The following PTGIS variants were observed in gnomAD, a reference collection of about 807,000 sequenced individuals.
PTGIS encodes the protein prostacyclin synthase.
In PTGIS, 45 loss-of-function variants were observed where a neutral mutation model predicts 50.3. The ratio of observed to expected loss-of-function variants is 0.90; its 90% CI spans 0.70 to 1.15. The LOEUF is 1.15. PTGIS is among the 50% of genes most tolerant of loss of function. The pLI, the probability that PTGIS is intolerant of heterozygous loss-of-function variation, is 0.00. For missense variants in PTGIS, 668 were observed against 661.3 expected, an observed-to-expected ratio of 1.01 and a Z score of -0.11; for synonymous variants, 260 against 267.7, an observed-to-expected ratio of 0.97 and a Z score of 0.28.
At position 49,540,662 on chromosome 20, in the gene PTGIS, TACGCAC is replaced by T. The variant is rs200759726; in HGVS notation, c.522-947_522-942del. On this transcript the variant is annotated intron_variant, in intron 4 of 9. Transcript: ENST00000244043. The surrounding 1 kb of genome is among the most constrained non-coding windows in gnomAD (Gnocchi z 4.8). ...TCATGTGCTCTCACTGAGGCACACT[TACGCAC>T]ACGCACACGCACACACACAGGACCA... is the stretch of plus-strand genomic sequence containing the variant. 8.9e-4 allele frequency among the ~76,000 whole-genome samples: 136 copies of T among 152,082 alleles called. No individual in the cohort carries two copies. The highest frequency in any genetic ancestry group is 2.8e-3 in the African/African-American group (116 of 41,510).
intron 2 of PTGIS, 116 bp downstream of exon 2, chr20:49,549,950 T>C (rs1299064530): frequency 1.3e-6 from 2 of 1,544,276 alleles, no homozygotes; most frequent in East Asian, 4.5e-5. Flanking sequence ...CAGATGGATG[T>C]TGGATGGTGG....
chr20:49,508,208 C>T (rs569961785), intron 9 of PTGIS, 144 bp from the exon 10 acceptor site: 33 of 1,014,462 alleles, frequency 3.3e-5, no homozygotes, highest in Admixed American at 2.4e-4. Context: ...GTAGAAGAAA[C>T]GCATTTGCTG....
At position 49,539,738 on chromosome 20, in the gene PTGIS, G is replaced by A. The variant is rs1982177864; in HGVS notation, c.522-17C>T. 1 of 1,606,432 alleles carries A rather than the reference G, an allele frequency of 6.2e-7. No individual in the cohort carries two copies. The highest frequency in any genetic ancestry group is 1.3e-5 in the African/African-American group (1 of 74,908). ...TAGCCGGCTCTGGGGGCGGCAGACA[G>A]AGGGTCAGGGGTCCTCCTGGGACAC... On this transcript the variant is annotated splice_polypyrimidine_tract_variant and intron_variant, in intron 4 of 9. Transcript: ENST00000244043.
chr20:49,526,341 C>T (rs1303772669), intron 5 of PTGIS, among the ~76,000 whole-genome samples: 2 of 152,200 alleles, frequency 1.3e-5, no homozygotes, highest in Non-Finnish European at 2.9e-5. Context: ...AACTGGCATT[C>T]TTTGAAGTCT....
chr20:49,528,615 C>A (rs1045653456), intron 5 of PTGIS, among the ~76,000 whole-genome samples: 1 of 152,070 alleles, frequency 6.6e-6, no homozygotes, highest in Non-Finnish European at 1.5e-5. Context: ...GCAAGCAAGA[C>A]TCTGTCTCAA....
intron 7 of PTGIS, among the ~76,000 whole-genome samples, chr20:49,513,794 T>G (rs1216889717): frequency 2.0e-5 from 3 of 152,034 alleles, no homozygotes; most frequent in Non-Finnish European, 4.4e-5. Flanking sequence ...GGGAACACTG[T>G]AAGAGATTCA....
chr20:49,558,342 C>T (rs891063385), intron 1 of PTGIS, among the ~76,000 whole-genome samples: 1 of 152,158 alleles, frequency 6.6e-6, no homozygotes, highest in African/African-American at 2.4e-5. Context: ...TGAGCTGTGA[C>T]TGTGCCACTG....
chr20:49,556,781 A>G lies in PTGIS; in HGVS notation c.75-6592T>C, dbSNP rs538746. 1.6e-3 allele frequency among the ~76,000 whole-genome samples: 247 copies of G among 152,150 alleles called. 2 individuals are homozygous for G. The highest frequency in any genetic ancestry group is 5.9e-3 in the African/African-American group (243 of 41,526). ...GTCTAGACTTGTCTAATGTTTTTCC[A>G]TTTTTATTATTTTCCACAATTTGGA... On this transcript the variant is annotated intron_variant, in intron 1 of 9. Coordinates refer to ENST00000244043, the MANE Select transcript of PTGIS (RefSeq NM_000961.4).
At chr20:49,546,498 C>T (rs1982363810) in intron 3 of PTGIS, among the ~76,000 whole-genome samples, 1 of 152,220 alleles carries the variant, frequency 6.6e-6, no homozygotes, top group Admixed American at 6.5e-5. Context: ...TCTTCCTAAC[C>T]TCCAGAGGGT....
At chr20:49,519,049 A>G (rs1442927683) in intron 6 of PTGIS, among the ~76,000 whole-genome samples, 3 of 152,128 alleles carry the variant, frequency 2.0e-5, no homozygotes, top group African/African-American at 4.8e-5. Context: ...ATGTCAATCA[A>G]TGGTTTCAGT....
At chr20:49,561,996 A>G (rs770897614) in intron 1 of PTGIS, among the ~76,000 whole-genome samples, 1 of 152,166 alleles carries the variant, frequency 6.6e-6, no homozygotes, top group African/African-American at 2.4e-5. Context: ...CAGTGACTCA[A>G]TGAATCCTCC....
intron 5 of PTGIS, among the ~76,000 whole-genome samples, chr20:49,527,977 A>C (rs1667260478): frequency 6.6e-6 from 1 of 151,966 alleles, no homozygotes; most frequent in African/African-American, 2.4e-5. Flanking sequence ...CTCTACTAAA[A>C]ATACAAAAAA....
intron 1 of PTGIS, among the ~76,000 whole-genome samples, chr20:49,567,147 A>G (rs1038746780): frequency 6.6e-6 from 1 of 152,218 alleles, no homozygotes; most frequent in African/African-American, 2.4e-5. Context: ...GGTCTTACCT[A>G]TAACAGGATA....
In PTGIS at chr20:49,521,159, C is replaced by T. The variant is rs192115581; in HGVS notation, c.855+2899G>A. ...ACAGTTACAAAATTGCACATGTATT[C>T]CTGCCTCCTTTCATCTTCACAACCA... On this transcript the variant is annotated intron_variant, in intron 6 of 9. Transcript: ENST00000244043. 1.8e-3 allele frequency among the ~76,000 whole-genome samples: 280 copies of T among 152,326 alleles called. 2 individuals carry two copies. Among genetic ancestry groups the T allele is most frequent in the Non-Finnish European group, 2.5e-3 (173 of 68,016 alleles).
At chr20:49,544,221 C>T (rs1291521635) in intron 4 of PTGIS, 84 bp downstream of exon 4, 2 of 1,573,376 alleles carry the variant, frequency 1.3e-6, no homozygotes, top group Non-Finnish European at 8.7e-7. Context: ...ACAGAGTCCT[C>T]ACGGTTCCCT....
At chr20:49,543,734 T>A (rs1026329080) in intron 4 of PTGIS, among the ~76,000 whole-genome samples, 1 of 152,134 alleles carries the variant, frequency 6.6e-6, no homozygotes. Flanking sequence ...GCCCCCCAGA[T>A]GCTGTCACCC....
intron 4 of PTGIS, among the ~76,000 whole-genome samples, chr20:49,543,749 C>T (rs568038830): frequency 1.3e-5 from 2 of 152,290 alleles, no homozygotes; most frequent in South Asian, 2.1e-4. Flanking sequence ...TCACCCCACC[C>T]GTGGATCTCT....
chr20:49,548,705 AAATG>A (rs1397406337), intron 2 of PTGIS, among the ~76,000 whole-genome samples: 1 of 151,616 alleles, frequency 6.6e-6, no homozygotes, highest in East Asian at 1.9e-4. Flanking sequence ...GTGAATGGGT[AAATG>A]AATGGAAGGA....
At chr20:49,529,493 C>G (rs1211895804) in intron 5 of PTGIS, among the ~76,000 whole-genome samples, 1 of 152,174 alleles carries the variant, frequency 6.6e-6, no homozygotes, top group Non-Finnish European at 1.5e-5. Flanking sequence ...ACACAGCAGT[C>G]CTGTCTTATC....
Sources: allele counts gnomAD v4.1 joint callset (sites outside exome capture counted in the v4.1 genomes callset), GRCh38; gene constraint gnomAD v4.1.1; non-coding constraint Gnocchi (gnomAD v3.1); transcripts MANE v1.5; gene names NCBI Gene and HGNC (gene_info 2026-07-23, HGNC 2026-07-21).